The following PHF20 variants were observed in gnomAD, a reference collection of about 807,000 sequenced individuals.
PHF20 encodes the protein glioma-expressed antigen 2.
Under a neutral mutation model 113.5 loss-of-function variants are expected in PHF20, and 23 were observed. The ratio of observed to expected loss-of-function variants is 0.20; its 90% confidence interval spans 0.15 to 0.29. The LOEUF is 0.29. Ranked by LOEUF, PHF20 falls within the 10% of genes least tolerant of loss-of-function variation. The probability of loss-of-function intolerance (pLI) is 1.00; values close to 1 mark genes in which losing one functional copy is unlikely to be tolerated. For missense variants in PHF20, 943 were observed against 1,219.6 expected (o/e 0.77, Z 3.38); for synonymous variants, 434 against 457.3 (o/e 0.95, Z 0.65).
intron 2 of PHF20, among the ~76,000 whole-genome samples, chr20:35,841,537 T>C (rs1282829341): frequency 1.3e-5 from 2 of 152,004 alleles, no homozygotes; most frequent in Admixed American, 6.6e-5. Context: ...TTTGGGAGGC[T>C]GAGGTGGGCG....
In PHF20 at chr20:35,850,296, G is replaced by GTTTTTTT. The variant is rs554100863; in HGVS notation, c.340+2885_340+2891dup. 3.5e-4 allele frequency among the ~76,000 whole-genome samples: 22 copies of GTTTTTTT among 62,358 alleles called. 3 individuals carry two copies. The highest frequency in any genetic ancestry group is 4.3e-4 in the Non-Finnish European group (13 of 30,370). The allele number at this position is 62,358 out of a possible 152,430, so 40.9% of individuals were successfully genotyped here. A position where few individuals can be genotyped will look rare whatever the true frequency, so the allele number is the denominator to read the frequency against. On this transcript the variant is annotated intron_variant, in intron 4 of 17. Coordinates refer to ENST00000374012, the MANE Select transcript of PHF20 (RefSeq NM_016436.5). ...CTGGGGCTGCTTAGCTTCCCCCTCC[G>GTTTTTTT]TTTTTTTTTTTTTTTTTTTTTTTTT... is the stretch of plus-strand genomic sequence containing the variant.
Position 35,863,405 on chromosome 20 carries a change from G to GT in PHF20, c.808+11dup. 1 of 1,579,050 alleles carries GT rather than the reference G, an allele frequency of 6.3e-7. No individual in the cohort carries two copies. The highest frequency in any genetic ancestry group is 1.2e-5 in the South Asian group (1 of 85,430). On this transcript the variant is annotated splice_donor_region_variant and intron_variant, in intron 6 of 17. Transcript: ENST00000374012. ...CCCCTTCCATAGCTCCTACTGGTGAGTTTTTTAAGTGGGCTCTGCAATGGG... is the reference window on the plus strand; with the variant it reads ...CCCCTTCCATAGCTCCTACTGGTGAGTTTTTTTAAGTGGGCTCTGCAATGGG...
intron 4 of PHF20, among the ~76,000 whole-genome samples, chr20:35,857,562 C>CTTTTTTTGTTTTTT (rs2042855154): frequency 1.0e-5 from 1 of 99,674 alleles, no homozygotes; most frequent in Non-Finnish European, 1.8e-5. Flanking sequence ...AATGATGTTC[C>CTTTTTTTGTTTTTT]TTTTTTTTTT....
At position 35,947,805 on chromosome 20, in the gene PHF20, ACT is replaced by A; in HGVS notation, c.*181_*182del. 1 of 599,798 alleles carries A rather than the reference ACT, an allele frequency of 1.7e-6. No homozygotes were observed. The highest frequency in any genetic ancestry group is 2.9e-6 in the Non-Finnish European group (1 of 344,888). 37.2% of individuals were successfully genotyped at this position (599,798 alleles called of 1,614,324 possible). A position where few individuals can be genotyped will look rare whatever the true frequency, so the allele number is the denominator to read the frequency against. Reference sequence around the variant, plus strand: ...GAGGCCATTTTGGCTGCGGGAGGACACTCTGATCTCGAAGCCTGCCATAAAGG... The same window carrying A: ...GAGGCCATTTTGGCTGCGGGAGGACACTGATCTCGAAGCCTGCCATAAAGG... On this transcript the variant is annotated 3_prime_UTR_variant, in exon 18 of 18. Transcript: ENST00000374012.
chr20:35,934,991 C>T (rs2055837008), intron 15 of PHF20, among the ~76,000 whole-genome samples: 1 of 151,966 alleles, frequency 6.6e-6, no homozygotes, highest in South Asian at 2.1e-4. Context: ...TCAGGGGCTG[C>T]TCCTGATTGT....
At chr20:35,839,876 A>G (rs968458075) in intron 2 of PHF20, among the ~76,000 whole-genome samples, 2 of 152,218 alleles carry the variant, frequency 1.3e-5, no homozygotes, top group African/African-American at 4.8e-5. Flanking sequence ...TTGGAATTTA[A>G]AAACTGACAG....
rs569301434 is a variant in PHF20 at position 35,949,457 on chromosome 20, C to A, written c.*1830C>A. 1 of 152,652 alleles carries A rather than the reference C, an allele frequency of 6.6e-6. No homozygotes were observed. 9.5% of individuals were successfully genotyped at this position (152,652 alleles called of 1,614,324 possible). On this transcript the variant is annotated 3_prime_UTR_variant, in exon 18 of 18. Coordinates refer to ENST00000374012, the MANE Select transcript of PHF20 (RefSeq NM_016436.5). ...TGGAAGCTGTAACTTTTAAGGTAGT[C>A]AATTTCATGTCTTGTTCAACGATGT... is the stretch of plus-strand genomic sequence containing the variant.
intron 6 of PHF20, among the ~76,000 whole-genome samples, chr20:35,868,636 G>GCAAA (rs566877065): frequency 6.6e-6 from 1 of 151,838 alleles, no homozygotes; most frequent in African/African-American, 2.4e-5. Context: ...AAGCAAGCAA[G>GCAAA]CAAACAAAAT....
chr20:35,856,146 C>G (rs1368447264), intron 4 of PHF20, among the ~76,000 whole-genome samples: 1 of 152,104 alleles, frequency 6.6e-6, no homozygotes, highest in Non-Finnish European at 1.5e-5. Flanking sequence ...TCCCTCTACT[C>G]TCTATCTCCG....
chr20:35,817,275 C>T (rs181158149), intron 2 of PHF20, among the ~76,000 whole-genome samples: 1 of 152,132 alleles, frequency 6.6e-6, no homozygotes, highest in East Asian at 1.9e-4. Flanking sequence ...CAATCTCCGC[C>T]TCCTGGGTTC....
At chr20:35,846,541 C>G (rs370934252) in intron 3 of PHF20, among the ~76,000 whole-genome samples, 102 of 152,318 alleles carry the variant, frequency 6.7e-4, no homozygotes, top group African/African-American at 2.2e-3. Context: ...GTTGCTTTCC[C>G]TGGCAAAAGA....
chr20:35,796,737 C>T (rs935718950), intron 1 of PHF20, among the ~76,000 whole-genome samples: 3 of 152,134 alleles, frequency 2.0e-5, no homozygotes, highest in South Asian at 2.1e-4. Context: ...AGCATAGCAA[C>T]GACTTTGGTC....
intron 1 of PHF20, among the ~76,000 whole-genome samples, chr20:35,799,093 T>C (rs1294232021): frequency 6.6e-6 from 1 of 152,048 alleles, no homozygotes; most frequent in Non-Finnish European, 1.5e-5. Flanking sequence ...GAAAGTGTTC[T>C]GGTAGGAGGC....
chr20:35,777,188 G>A (rs534192313), intron 1 of PHF20, among the ~76,000 whole-genome samples: 1 of 152,272 alleles, frequency 6.6e-6, no homozygotes, highest in South Asian at 2.1e-4. Context: ...TACCAAGAAG[G>A]AGTCTGTACC....
chr20:35,926,967 T>G (rs1038717365), intron 13 of PHF20, among the ~76,000 whole-genome samples: 1 of 152,192 alleles, frequency 6.6e-6, no homozygotes, highest in African/African-American at 2.4e-5. Flanking sequence ...TCGCCTTTCC[T>G]TTTCATTCCC....
At chr20:35,806,843 T>C (rs2041891541) in intron 2 of PHF20, among the ~76,000 whole-genome samples, 1 of 148,878 alleles carries the variant, frequency 6.7e-6, no homozygotes, top group Non-Finnish European at 1.5e-5. Context: ...TCGCCCAGGC[T>C]GGAGTGCAGT....
At chr20:35,814,891 T>A (rs57036816) in intron 2 of PHF20, among the ~76,000 whole-genome samples, 8,138 of 112,534 alleles carry the variant, frequency 0.072, 257 homozygotes, top group South Asian at 0.091. Context: ...AAAAAAAAAA[T>A]AAAATAAATA....
At chr20:35,906,763 G>A (rs572260417) in intron 10 of PHF20, among the ~76,000 whole-genome samples, 9 of 152,274 alleles carry the variant, frequency 5.9e-5, no homozygotes, top group Non-Finnish European at 8.8e-5. Context: ...CCTCTCTCAA[G>A]GGAACATGGA....
intron 17 of PHF20, among the ~76,000 whole-genome samples, chr20:35,942,641 C>T (rs1043234823): frequency 6.6e-6 from 1 of 152,152 alleles, no homozygotes. Context: ...TTCAGAGCCA[C>T]ATATTCTGTA....
Sources: allele counts gnomAD v4.1 joint callset (sites outside exome capture counted in the v4.1 genomes callset), GRCh38; gene constraint gnomAD v4.1.1; transcripts MANE v1.5; gene names NCBI Gene and HGNC (gene_info 2026-07-23, HGNC 2026-07-21).